Variants in KCNQ5 observed in about 807,000 individuals in gnomAD.
KCNQ5 encodes the protein potassium voltage-gated channel subfamily Q member 5.
KCNQ5 carries 30 observed loss-of-function variants against 98.2 expected under a neutral mutation model. The observed-to-expected ratio is 0.31, with a 90% CI of 0.23 to 0.41. The LOEUF is 0.41. KCNQ5 is among the 10% of genes least tolerant of loss of function. The pLI is 1.00. For missense variants in KCNQ5, 835 were observed against 1,182.5 expected (o/e 0.71, Z 4.31); for synonymous variants, 458 against 449.4 (o/e 1.02, Z -0.24).
intron 5 of KCNQ5, among the ~76,000 whole-genome samples, chr6:73,104,683 C>T (rs764265735): frequency 6.6e-6 from 1 of 152,182 alleles, no homozygotes; most frequent in Non-Finnish European, 1.5e-5. Flanking sequence ...AATAACTAAT[C>T]TCTTCCTTGA....
chr6:72,694,218 A>G (rs1768364654), intron 1 of KCNQ5, among the ~76,000 whole-genome samples: 1 of 152,172 alleles, frequency 6.6e-6, no homozygotes, highest in Non-Finnish European at 1.5e-5. Flanking sequence ...TCTGTGAGGA[A>G]TAGCAGCACA....
intron 2 of KCNQ5, among the ~76,000 whole-genome samples, chr6:73,018,034 A>T (rs1463307182): frequency 6.6e-6 from 1 of 152,142 alleles, no homozygotes; most frequent in Non-Finnish European, 1.5e-5. Context: ...AAGTATGAAT[A>T]ACATCAAATG....
At chr6:72,897,087 G>T (rs1286252319) in intron 1 of KCNQ5, among the ~76,000 whole-genome samples, 1 of 152,086 alleles carries the variant, frequency 6.6e-6, no homozygotes, top group Non-Finnish European at 1.5e-5. Context: ...AAAACAGAAC[G>T]TATTTGGGTA....
intron 11 of KCNQ5, among the ~76,000 whole-genome samples, chr6:73,183,731 A>C (rs985425703): frequency 3.9e-5 from 6 of 152,192 alleles, no homozygotes; most frequent in African/African-American, 1.4e-4. Context: ...TCCTGAAAGA[A>C]GTGAGAGGGG....
Position 72,670,879 on chromosome 6 carries a change from C to A in KCNQ5, c.398+48292C>A, listed in dbSNP as rs77337615. Among the ~76,000 whole-genome samples, 128 of 152,244 alleles carry A rather than the reference C, an allele frequency of 8.4e-4. No homozygotes were observed. The East Asian group carries it at 0.021, about 25-fold the overall frequency. On this transcript the variant is annotated intron_variant, in intron 1 of 13. Coordinates refer to ENST00000370398, the MANE Select transcript of KCNQ5 (RefSeq NM_019842.4). ...AAGGACATAAGAGTGGGGTTCTGAT[C>A]CTATAGGTCAGATCCTGTAGACCCG...
rs555803187 is a variant in KCNQ5 at position 72,777,920 on chromosome 6, G to A, written c.398+155333G>A. On this transcript the variant is annotated intron_variant, in intron 1 of 13. Coordinates refer to ENST00000370398, the MANE Select transcript of KCNQ5 (RefSeq NM_019842.4). ...CAAGAGAAAATATAATCAGTTCACC[G>A]TTAAAAAAGCTAAACTTCAAATGCC... Among the ~76,000 whole-genome samples the A allele has an allele frequency of 1.0e-3, 156 of 152,218 alleles. 6 individuals are homozygous for A. The South Asian group carries it at 0.031, about 30-fold the overall frequency.
intron 3 of KCNQ5, among the ~76,000 whole-genome samples, chr6:73,057,639 G>A (rs1772582594): frequency 6.6e-6 from 1 of 152,042 alleles, no homozygotes. Flanking sequence ...CATGCTCATG[G>A]ATAGGAAGAA....
intron 1 of KCNQ5, among the ~76,000 whole-genome samples, chr6:72,907,723 A>C (rs1779760570): frequency 6.6e-6 from 1 of 152,162 alleles, no homozygotes; most frequent in Non-Finnish European, 1.5e-5. Context: ...AGTCAGTATA[A>C]ATGATTTTAC....
At chr6:73,056,720 A>G (rs1446426175) in intron 3 of KCNQ5, among the ~76,000 whole-genome samples, 3 of 152,206 alleles carry the variant, frequency 2.0e-5, no homozygotes, top group Admixed American at 6.5e-5. Context: ...TAACTGTACT[A>G]AATCCTTTTT....
rs144945805 is a variant in KCNQ5, at chr6:73,182,040, T to TGTAA, written c.1578-8531_1578-8528dup. Among the ~76,000 whole-genome samples, 1,054 of 152,326 alleles carry TGTAA rather than the reference T, an allele frequency of 6.9e-3. 14 individuals carry two copies. The highest frequency in any genetic ancestry group is 0.023 in the African/African-American group (977 of 41,580). ...TCATATCAAACTTCTTTTGTAAGCA[T>TGTAA]GTAAGAGGCCACCAAGGTCTTCTGC... On this transcript the variant is annotated intron_variant, in intron 11 of 13. Transcript: ENST00000370398.
chr6:72,891,527 T>C (rs1160599639), intron 1 of KCNQ5, among the ~76,000 whole-genome samples: 1 of 152,114 alleles, frequency 6.6e-6, no homozygotes, highest in Non-Finnish European at 1.5e-5. Flanking sequence ...GGTGACAAAT[T>C]AAAGTGACTT....
At chr6:72,802,596 AGTCTCATTTTG>A (rs1337860545) in intron 1 of KCNQ5, among the ~76,000 whole-genome samples, 1 of 152,182 alleles carries the variant, frequency 6.6e-6, no homozygotes, top group Non-Finnish European at 1.5e-5. Context: ...TGTTAGTTAT[AGTCTCATTTTG>A]GTAACATAGA....
chr6:72,731,863 G>C (rs777390805), intron 1 of KCNQ5, among the ~76,000 whole-genome samples: 1 of 152,142 alleles, frequency 6.6e-6, no homozygotes, highest in Non-Finnish European at 1.5e-5. Context: ...CTCCAAACAT[G>C]TTGAGAAGTG....
At chr6:72,938,913 A>T (rs576838501) in intron 1 of KCNQ5, among the ~76,000 whole-genome samples, 4 of 152,328 alleles carry the variant, frequency 2.6e-5, no homozygotes, top group Non-Finnish European at 4.4e-5. Flanking sequence ...GTATTTTAAA[A>T]GAAACGTTAA....
intron 1 of KCNQ5, among the ~76,000 whole-genome samples, chr6:72,941,922 A>G (rs915239948): frequency 2.6e-5 from 4 of 152,134 alleles, no homozygotes; most frequent in African/African-American, 9.7e-5. Context: ...ACAACTTTAG[A>G]TAAGTGTTCT....
rs1193859304 is a variant in KCNQ5, at chr6:72,632,122, T to TTTTC, written c.398+9551_398+9554dup. Among the ~76,000 whole-genome samples the TTTTC allele has an allele frequency of 1.6e-4, 24 of 147,476 alleles. No homozygotes were observed. The South Asian group carries it at 3.7e-3, about 22-fold the overall frequency. Reference sequence around the variant, plus strand: ...ACTTTGCCTGTTAGAGTTTTAGATTTTTTCTTTCTTTCTTTCTTTTTTTTT... The same window carrying TTTTC: ...ACTTTGCCTGTTAGAGTTTTAGATTTTTTCTTTCTTTCTTTCTTTCTTTTTTTTT... On this transcript the variant is annotated intron_variant, in intron 1 of 13. Transcript: ENST00000370398.
At chr6:73,096,179 G>T (rs2150409923) in intron 5 of KCNQ5, among the ~76,000 whole-genome samples, 1 of 152,244 alleles carries the variant, frequency 6.6e-6, no homozygotes, top group East Asian at 1.9e-4. Flanking sequence ...ATGGGAGAAA[G>T]ATGTAGGCTG....
intron 1 of KCNQ5, among the ~76,000 whole-genome samples, chr6:72,737,618 A>G (rs1051531415): frequency 6.6e-6 from 1 of 152,190 alleles, no homozygotes; most frequent in Non-Finnish European, 1.5e-5. Flanking sequence ...AATTTAGTGG[A>G]TAGAGAACTA....
chr6:72,994,161 GC>G (rs1468187145), intron 1 of KCNQ5, among the ~76,000 whole-genome samples: 11 of 69,680 alleles, frequency 1.6e-4, no homozygotes, highest in African/African-American at 7.9e-4. Flanking sequence ...AGGCAGGCAG[GC>G]CTCCTTGAGC....
Sources: gnomAD v4.1 joint callset for allele counts (sites outside exome capture counted in the v4.1 genomes callset) on GRCh38, gnomAD v4.1.1 for gene constraint, MANE v1.5 for transcripts, NCBI Gene and HGNC (gene_info 2026-07-23, HGNC 2026-07-21) for gene names.